The following TEX11 variants were observed in gnomAD, a reference collection of about 807,000 sequenced individuals.
TEX11 encodes testis-expressed protein 11.
Under a neutral mutation model 84.4 loss-of-function variants are expected in TEX11, and 7 were observed. The observed-to-expected ratio is 0.08, with a 90% CI of 0.05 to 0.16. TEX11 has a LOEUF of 0.16. Among genes scored for constraint, TEX11 ranks in the 10% least tolerant of loss-of-function variants. The probability of loss-of-function intolerance (pLI) is 1.00; values close to 1 mark genes in which losing one functional copy is unlikely to be tolerated. For missense variants in TEX11, 551 were observed against 660.5 expected, an observed-to-expected ratio of 0.83 and a Z score of 1.82; for synonymous variants, 264 against 222.8, an observed-to-expected ratio of 1.18 and a Z score of -1.64.
chrX:70,680,935 T>A (rs1220316595), intron 14 of TEX11, among the ~76,000 whole-genome samples: 1 of 112,656 alleles, frequency 8.9e-6, no homozygotes, highest in African/African-American at 3.2e-5. Flanking sequence ...GCTAAATAGA[T>A]CAGATCAAGT....
At chrX:70,610,885 C>G (rs376221305) in intron 20 of TEX11, among the ~76,000 whole-genome samples, 2 of 111,497 alleles carry the variant, frequency 1.8e-5, no homozygotes, top group African/African-American at 6.5e-5. Context: ...GAACTAGAAC[C>G]CTTATTTCAA....
chrX:70,730,403 A>G (rs1053964820), intron 11 of TEX11, among the ~76,000 whole-genome samples: 6 of 111,768 alleles, frequency 5.4e-5, no homozygotes, highest in African/African-American at 9.8e-5. Flanking sequence ...GTATTCAGGA[A>G]ACCCATCTCA....
chrX:70,545,316 CT>C (rs748755600), intron 28 of TEX11, among the ~76,000 whole-genome samples: 193 of 112,417 alleles, frequency 1.7e-3, no homozygotes, highest in South Asian at 0.012. Context: ...TCTTTATCTC[CT>C]TATTGTATAA....
intron 2 of TEX11, among the ~76,000 whole-genome samples, chrX:70,881,608 A>G (rs992838644): frequency 1.8e-5 from 2 of 111,469 alleles, no homozygotes; most frequent in African/African-American, 3.3e-5. Context: ...CAAAAATTTC[A>G]GTTAAACAAA....
At chrX:70,777,609 A>T (rs1428221870) in intron 9 of TEX11, among the ~76,000 whole-genome samples, 1 of 112,094 alleles carries the variant, frequency 8.9e-6, no homozygotes, top group African/African-American at 3.2e-5. Context: ...ATATCACATC[A>T]TTGCACTCCA....
At chrX:70,820,698 CAAG>C (rs750949268) in intron 8 of TEX11, among the ~76,000 whole-genome samples, 142 of 110,900 alleles carry the variant, frequency 1.3e-3, no homozygotes, top group African/African-American at 4.5e-3. Flanking sequence ...TTCTAAACAA[CAAG>C]ATCTCGTGTG....
Position 70,714,370 on chromosome X carries a change from C to T in TEX11, c.1004+8248G>A, listed in dbSNP as rs751574230. 3.6e-5 allele frequency among the ~76,000 whole-genome samples: 4 copies of T among 111,301 alleles called. No individual in the cohort carries two copies. In the Admixed American group the frequency reaches 3.8e-4, roughly 11 times the overall value. On this transcript the variant is annotated intron_variant, in intron 13 of 29. Coordinates refer to ENST00000374333, the MANE Select transcript of TEX11 (RefSeq NM_031276.3). Reference sequence around the variant, plus strand: ...CTTGTTAACTTTCTGTCGTGTTGATCTGTCTAATGTTGACAGTGGGGTGTT... The same window carrying T: ...CTTGTTAACTTTCTGTCGTGTTGATTTGTCTAATGTTGACAGTGGGGTGTT...
chrX:70,587,945 A>T (rs1356138687), intron 25 of TEX11, among the ~76,000 whole-genome samples: 2 of 112,273 alleles, frequency 1.8e-5, no homozygotes, highest in African/African-American at 6.5e-5. Flanking sequence ...ATCATTTTGG[A>T]GCTTTAAGAT....
intron 9 of TEX11, among the ~76,000 whole-genome samples, chrX:70,774,194 G>A (rs780551356): frequency 4.8e-4 from 52 of 108,132 alleles, no homozygotes; most frequent in Non-Finnish European, 8.0e-4. Flanking sequence ...GCTCGGGTGG[G>A]AGTGAAGCAC....
At chrX:70,673,509 C>T (rs201716843) in intron 15 of TEX11, 1 of 111,918 alleles carries the variant, frequency 8.9e-6, no homozygotes, top group Non-Finnish European at 1.9e-5. Flanking sequence ...ATAGGCTGCA[C>T]ATGACCTGGC....
At chrX:70,590,963 G>T (rs148460201) in intron 25 of TEX11, among the ~76,000 whole-genome samples, 3,219 of 110,418 alleles carry the variant, frequency 0.029, 49 homozygotes, top group Non-Finnish European at 0.038. Context: ...TGGTCAGGCT[G>T]GCCTCAAACT....
chrX:70,775,491 TA>T (rs758429906), intron 9 of TEX11, among the ~76,000 whole-genome samples: 2 of 109,372 alleles, frequency 1.8e-5, no homozygotes, highest in South Asian at 7.9e-4. Flanking sequence ...CCTCAACAAT[TA>T]AAAAAAATCT....
chrX:70,807,898 G>C (rs1466927090), intron 8 of TEX11, among the ~76,000 whole-genome samples: 1 of 109,629 alleles, frequency 9.1e-6, no homozygotes, highest in Non-Finnish European at 1.9e-5. Flanking sequence ...GAGGCCAGGA[G>C]TTCAAGATCA....
chrX:70,521,468 G>A, the TEX11 span, among the ~76,000 whole-genome samples: 1 of 110,651 alleles, frequency 9.0e-6, no homozygotes, highest in African/African-American at 3.3e-5. Flanking sequence ...GTAGAGATGG[G>A]GTTTCACTAT....
intron 2 of TEX11, among the ~76,000 whole-genome samples, chrX:70,895,496 T>C (rs1013537639): frequency 1.8e-5 from 2 of 112,132 alleles, no homozygotes; most frequent in Non-Finnish European, 3.8e-5. Context: ...TATCATTGAC[T>C]TTCTTTGCAG....
chrX:70,582,532 G>A (rs1331686029), intron 25 of TEX11, among the ~76,000 whole-genome samples: 1 of 110,978 alleles, frequency 9.0e-6, no homozygotes, highest in African/African-American at 3.3e-5. Flanking sequence ...CATCTTCTGT[G>A]TAATCTGCCT....
intron 17 of TEX11, among the ~76,000 whole-genome samples, chrX:70,631,401 T>C (rs781087169): frequency 8.9e-6 from 1 of 111,832 alleles, no homozygotes; most frequent in East Asian, 2.8e-4. Flanking sequence ...AATCCACAAG[T>C]TTAAAAAGGA....
intron 7 of TEX11, among the ~76,000 whole-genome samples, chrX:70,850,056 A>G (rs1417959241): frequency 8.9e-6 from 1 of 112,091 alleles, no homozygotes; most frequent in Admixed American, 9.5e-5. Context: ...ATTCCATTAT[A>G]GGATTACTAT....
intron 2 of TEX11, among the ~76,000 whole-genome samples, chrX:70,883,652 T>C (rs746851031): frequency 1.4e-3 from 157 of 111,782 alleles, no homozygotes; most frequent in African/African-American, 5.0e-3. Flanking sequence ...AGCAAGATTG[T>C]ACGTTTTGAA....
Sources: allele counts gnomAD v4.1 joint callset (sites outside exome capture counted in the v4.1 genomes callset), GRCh38; gene constraint gnomAD v4.1.1; transcripts MANE v1.5; gene names NCBI Gene and HGNC (gene_info 2026-07-23, HGNC 2026-07-21).